The following CIITA variants were observed in gnomAD, a reference collection of about 807,000 sequenced individuals.
CIITA encodes the protein MHC class II transactivator.
A neutral mutation model predicts 115.1 loss-of-function variants in CIITA; 72 were observed. The ratio of observed to expected loss-of-function variants is 0.63; its 90% confidence interval spans 0.52 to 0.76. The LOEUF is 0.76. Ranked by LOEUF, CIITA falls within the 30% of genes least tolerant of loss-of-function variation. The pLI is 0.00. For missense variants in CIITA, 1,617 were observed against 1,463.8 expected (o/e 1.10, Z -1.71); for synonymous variants, 763 against 635.6 (o/e 1.20, Z -3.02).
rs572249984 is a variant in CIITA at position 10,907,580 on chromosome 16, A to G, written c.2088A>G (p.Gln696=). Residue 696 remains glutamine (Q), a synonymous_variant, in exon 11 of 20, where the codon CAA becomes CAG. Transcript: ENST00000324288. The surrounding 1 kb of genome is among the most constrained non-coding windows in gnomAD (Gnocchi z 5.0). Reference sequence around the variant, plus strand: ...GGGCGATGGCCAAAGGCTTAGTCCAACACCCACCGCGGGCCGCAGAGTCCG... The same window carrying G: ...GGGCGATGGCCAAAGGCTTAGTCCAGCACCCACCGCGGGCCGCAGAGTCCG... ...RTWAMAKGLV[Q]HPPRAAESEL... is the part of the protein sequence containing the mutation. The G allele has an allele frequency of 6.2e-7, 1 of 1,614,152 alleles. No individual in the cohort carries two copies. Among genetic ancestry groups the G allele is most frequent in the Non-Finnish European group, 8.5e-7 (1 of 1,180,008 alleles).
At position 10,907,376 on chromosome 16, in the gene CIITA, G is replaced by A; in HGVS notation, c.1884G>A (p.Gly628=). ...TCTCAGAGGCCCTGCTGGAGCTTGG[G>A]GAGGACGCCAAGCTGCCCTCCACGC... ...CQLSEALLEL[G]EDAKLPSTLT... is the part of the protein sequence containing the mutation. Residue 628 remains glycine (G), a synonymous_variant, in exon 11 of 20, where the codon GGG becomes GGA. Coordinates refer to ENST00000324288, the MANE Select transcript of CIITA (RefSeq NM_000246.4). The surrounding 1 kb of genome is among the most constrained non-coding windows in gnomAD (Gnocchi z 5.0). The A allele has an allele frequency of 1.9e-6, 3 of 1,613,420 alleles. No homozygotes were observed. Among genetic ancestry groups the A allele is most frequent in the Non-Finnish European group, 2.5e-6 (3 of 1,179,974 alleles).
chr16:10,917,889 T>A (rs1049820236), intron 15 of CIITA, among the ~76,000 whole-genome samples: 3 of 152,220 alleles, frequency 2.0e-5, no homozygotes, highest in Admixed American at 6.5e-5. Context: ...CTTAGCAATT[T>A]CCTTAATTGT....
intron 1 of CIITA, among the ~76,000 whole-genome samples, chr16:10,886,184 C>A (rs970170642): frequency 6.6e-6 from 1 of 152,002 alleles, no homozygotes; most frequent in Non-Finnish European, 1.5e-5. Context: ...GTGATCCACC[C>A]GCCTCGGCCT....
Position 10,924,243 on chromosome 16 carries a change from T to C in CIITA, c.*388T>C, listed in dbSNP as rs2040432745. The C allele has an allele frequency of 1.3e-5, 2 of 152,378 alleles. No individual in the cohort carries two copies. The highest frequency in any genetic ancestry group is 2.9e-5 in the Non-Finnish European group (2 of 68,168). 9.4% of individuals were successfully genotyped at this position (152,378 alleles called of 1,614,324 possible). A position where few individuals can be genotyped will look rare whatever the true frequency, so the allele number is the denominator to read the frequency against. ...CACCCTGGGGAGAAAGTACTTCTTT[T>C]TTTTTATTTTTAGACAGAGTCTCAC... is the stretch of plus-strand genomic sequence containing the variant. On this transcript the variant is annotated 3_prime_UTR_variant, in exon 20 of 20. Transcript: ENST00000324288.
chr16:10,910,045 T>TA lies in CIITA; in HGVS notation c.2817-143_2817-142insA, dbSNP rs1596564779. The TA allele has an allele frequency of 3.3e-5, 23 of 701,026 alleles. No homozygotes were observed. In the East Asian group the frequency reaches 6.0e-4, roughly 18 times the overall value. The allele number at this position is 701,026 out of a possible 1,614,324, so 43.4% of individuals were successfully genotyped here. On this transcript the variant is annotated intron_variant, in intron 12 of 19. Coordinates refer to ENST00000324288, the MANE Select transcript of CIITA (RefSeq NM_000246.4). ...GCACCGCACCCAGACAGATCTTTTT[T>TA]TTTAAGAGGGGGACAACAGTTGCCC...
At chr16:10,881,835 C>T (rs2036461780) in intron 1 of CIITA, among the ~76,000 whole-genome samples, 1 of 152,176 alleles carries the variant, frequency 6.6e-6, no homozygotes, top group Non-Finnish European at 1.5e-5. Flanking sequence ...CTCCCCACTG[C>T]CCCTTCCACC....
chr16:10,898,871 C>G (rs2038415978), intron 4 of CIITA, 54 bp from the exon 5 acceptor site: 1 of 1,607,516 alleles, frequency 6.2e-7, no homozygotes, highest in African/African-American at 1.3e-5. Context: ...AATAGAGACT[C>G]ACCTTGGGCT....
At chr16:10,868,838 C>T (rs1306778974) in intron 1 of CIITA, among the ~76,000 whole-genome samples, 1 of 152,158 alleles carries the variant, frequency 6.6e-6, no homozygotes, top group Non-Finnish European at 1.5e-5. Flanking sequence ...GAACTGCACT[C>T]GGGGCCCAGT....
At position 10,929,253 on chromosome 16, in the gene CIITA, G is replaced by A. The variant is rs943958295; in HGVS notation, c.*5398G>A. On this transcript the variant is annotated 3_prime_UTR_variant, in exon 20 of 20. Coordinates refer to ENST00000324288, the MANE Select transcript of CIITA (RefSeq NM_000246.4). This position sits in a 1 kb window ranked among gnomAD's most constrained non-coding sequence, Gnocchi z 4.3. ...CTGGGAGTCGCTTTTGCGTGTGTCC[G>A]CAGTTTGAAGTGTCCTCTCCGAAGG... is the stretch of plus-strand genomic sequence containing the variant. 3.1e-5 allele frequency: 31 copies of A among 985,814 alleles called. No individual in the cohort carries two copies. Among genetic ancestry groups the A allele is most frequent in the Admixed American group, 1.8e-4 (3 of 16,270 alleles). The allele number at this position is 985,814 out of a possible 1,614,324, so 61.1% of individuals were successfully genotyped here.
At chr16:10,874,602 T>C (rs2035703723), upstream of CIITA, among the ~76,000 whole-genome samples, 2 of 152,218 alleles carry the variant, frequency 1.3e-5, no homozygotes, top group South Asian at 4.1e-4. Flanking sequence ...TGTCACTTGC[T>C]CTGCTCAGAG....
At chr16:10,922,329 A>T (rs2040318338) in intron 17 of CIITA, 78 bp from the exon 18 acceptor site, 2 of 1,607,890 alleles carry the variant, frequency 1.2e-6, no homozygotes, top group South Asian at 2.2e-5. Flanking sequence ...GTCCTGGAAG[A>T]GCTGGATGTG....
rs1215804841 is a variant in CIITA at position 10,935,220 on chromosome 16, G to A, written c.*11365G>A. On this transcript the variant is annotated 3_prime_UTR_variant, in exon 20 of 20. Transcript: ENST00000324288. ...AAGCATGTAAGTAACAATTTTAGAGGGTATACGGAGGTGACCCTAAGTAAC... is the reference window on the plus strand; with the variant it reads ...AAGCATGTAAGTAACAATTTTAGAGAGTATACGGAGGTGACCCTAAGTAAC... 6.6e-6 allele frequency: 1 copy of A among 152,170 alleles called. No individual in the cohort carries two copies. The highest frequency in any genetic ancestry group is 2.4e-5 in the African/African-American group (1 of 41,444). 9.4% of individuals were successfully genotyped at this position (152,170 alleles called of 1,614,324 possible).
In CIITA at chr16:10,927,828, T is replaced by C; in HGVS notation, c.*3973T>C. ...GGACTTCTGACTTCTTTGGAGGACC[T>C]CTCTGCAGGGACAGGCACAGTGTGC... is the stretch of plus-strand genomic sequence containing the variant. On this transcript the variant is annotated 3_prime_UTR_variant, in exon 20 of 20. Coordinates refer to ENST00000324288, the MANE Select transcript of CIITA (RefSeq NM_000246.4). 1 of 152,382 alleles carries C rather than the reference T, an allele frequency of 6.6e-6. No homozygotes were observed. Among genetic ancestry groups the C allele is most frequent in the Non-Finnish European group, 1.5e-5 (1 of 68,058 alleles). 9.4% of individuals were successfully genotyped at this position (152,382 alleles called of 1,614,324 possible).
downstream of CIITA, chr16:10,938,802 G>A (rs1025145553): frequency 6.6e-6 from 1 of 152,248 alleles, no homozygotes; most frequent in Non-Finnish European, 1.5e-5. The surrounding 1 kb of genome is among the most constrained non-coding windows in gnomAD (Gnocchi z 4.9). Context: ...TTGCAAGGGT[G>A]TCCCTGAGAG....
intron 12 of CIITA, 118 bp from the exon 13 acceptor site, chr16:10,910,070 C>A: frequency 1.2e-6 from 1 of 821,100 alleles, no homozygotes; most frequent in Non-Finnish European, 2.1e-6. Flanking sequence ...AACAGTTGCC[C>A]CAAGGAAAGC....
Position 10,898,745 on chromosome 16 carries a change from T to C in CIITA, c.358+13T>C. Reference sequence around the variant, plus strand: ...AAGGACATTTTCAGTAAGTTTGTGGTGGGTGGGGAGGTCTTGGCTCAGCCT... The same window carrying C: ...AAGGACATTTTCAGTAAGTTTGTGGCGGGTGGGGAGGTCTTGGCTCAGCCT... On this transcript the variant is annotated intron_variant, in intron 4 of 19. Transcript: ENST00000324288. 2 of 1,611,132 alleles carry C rather than the reference T, an allele frequency of 1.2e-6. No homozygotes were observed. Among genetic ancestry groups the C allele is most frequent in the Non-Finnish European group, 1.7e-6 (2 of 1,178,736 alleles).
At chr16:10,886,837 T>A (rs977470913) in intron 1 of CIITA, among the ~76,000 whole-genome samples, 16 of 152,314 alleles carry the variant, frequency 1.1e-4, no homozygotes, top group African/African-American at 3.6e-4. Flanking sequence ...AGTGTGGAAC[T>A]AAGATTTGAA....
downstream of CIITA, chr16:10,939,619 C>T (rs771485227): frequency 2.0e-5 from 3 of 152,286 alleles, no homozygotes; most frequent in Non-Finnish European, 2.9e-5. This position sits in a 1 kb window ranked among gnomAD's most constrained non-coding sequence, Gnocchi z 4.9. Context: ...AGCATCATCT[C>T]CTTAGAGAGG....
At chr16:10,870,171 A>C (rs80016048) in intron 1 of CIITA, among the ~76,000 whole-genome samples, 105 of 8,422 alleles carry the variant, frequency 0.012, no homozygotes, top group African/African-American at 0.045. Flanking sequence ...ACTTCCTGCA[A>C]AAAAAAAAAA....
Sources: allele counts gnomAD v4.1 joint callset (sites outside exome capture counted in the v4.1 genomes callset), GRCh38; gene constraint gnomAD v4.1.1; non-coding constraint Gnocchi (gnomAD v3.1); transcripts MANE v1.5; gene names NCBI Gene and HGNC (gene_info 2026-07-23, HGNC 2026-07-21).